The following FRMD4A variants were observed in gnomAD, a reference collection of about 807,000 sequenced individuals.
The protein encoded by FRMD4A is FERM domain-containing protein 4A.
A neutral mutation model predicts 129.1 loss-of-function variants in FRMD4A; 29 were observed. That is an observed-to-expected ratio of 0.22 (90% CI 0.17 to 0.31). The LOEUF (loss-of-function observed/expected upper bound fraction) is 0.31. FRMD4A is among the 10% of genes least tolerant of loss of function. The probability of loss-of-function intolerance (pLI) is 1.00; values close to 1 mark genes in which losing one functional copy is unlikely to be tolerated. For missense variants in FRMD4A, 1,272 were observed against 1,375.8 expected (o/e 0.92, Z 1.19); for synonymous variants, 634 against 571.6 (o/e 1.11, Z -1.56).
At chr10:13,831,730 C>T (rs2130941199) in intron 3 of FRMD4A, among the ~76,000 whole-genome samples, 1 of 152,290 alleles carries the variant, frequency 6.6e-6, no homozygotes, top group South Asian at 2.1e-4. Context: ...GTCCACTGTG[C>T]ATTTCCCTTC....
At chr10:13,975,545 A>G (rs1013470970) in intron 2 of FRMD4A, among the ~76,000 whole-genome samples, 9 of 138,018 alleles carry the variant, frequency 6.5e-5, no homozygotes, top group Admixed American at 2.1e-4. Context: ...TGTGTGGGTC[A>G]TTGTGTATCT....
At chr10:14,066,736 G>T (rs1345706858) in intron 2 of FRMD4A, among the ~76,000 whole-genome samples, 1 of 152,102 alleles carries the variant, frequency 6.6e-6, no homozygotes, top group Non-Finnish European at 1.5e-5. Flanking sequence ...AAGTCATGAA[G>T]CTTTATGTAG....
intron 3 of FRMD4A, among the ~76,000 whole-genome samples, chr10:13,839,193 A>T (rs1252971288): frequency 6.6e-6 from 1 of 151,448 alleles, no homozygotes; most frequent in Non-Finnish European, 1.5e-5. Flanking sequence ...TTTTTTAGAG[A>T]TGGGGTCTTG....
chr10:13,691,930 A>C (rs923726290), intron 15 of FRMD4A, among the ~76,000 whole-genome samples: 1 of 152,126 alleles, frequency 6.6e-6, no homozygotes, highest in African/African-American at 2.4e-5. Flanking sequence ...TGGTCTTTGA[A>C]TTTCATTCTC....
At chr10:14,190,634 C>T (rs1035156994) in intron 2 of FRMD4A, among the ~76,000 whole-genome samples, 3 of 152,228 alleles carry the variant, frequency 2.0e-5, no homozygotes, top group African/African-American at 7.2e-5. Flanking sequence ...AATCCTTCCA[C>T]CTTGGTCCCC....
chr10:14,290,316 GA>G (rs1845811941), intron 2 of FRMD4A, among the ~76,000 whole-genome samples: 1 of 152,068 alleles, frequency 6.6e-6, no homozygotes, highest in African/African-American at 2.4e-5. Context: ...CAGACTTCCT[GA>G]TTTCAAAGTA....
chr10:14,051,844 G>A (rs960511722), intron 2 of FRMD4A, among the ~76,000 whole-genome samples: 1 of 152,250 alleles, frequency 6.6e-6, no homozygotes, highest in African/African-American at 2.4e-5. Flanking sequence ...GGTAGCTGCT[G>A]AGAGATCCAC....
At chr10:14,162,635 T>G (rs904662874) in intron 2 of FRMD4A, among the ~76,000 whole-genome samples, 52 of 138,952 alleles carry the variant, frequency 3.7e-4, no homozygotes, top group African/African-American at 1.5e-3. Flanking sequence ...TCTCTGTTTT[T>G]TTTTTGTTTT....
chr10:13,700,374 G>A (rs544297787), intron 14 of FRMD4A, among the ~76,000 whole-genome samples: 70 of 152,274 alleles, frequency 4.6e-4, no homozygotes, highest in African/African-American at 1.6e-3. Flanking sequence ...ACCCTAGAGG[G>A]CACCGATTCA....
intron 2 of FRMD4A, among the ~76,000 whole-genome samples, chr10:13,948,054 G>GAA (rs80191339): frequency 2.9e-5 from 4 of 136,462 alleles, no homozygotes; most frequent in African/African-American, 5.5e-5. Context: ...AAAGTAAATT[G>GAA]AAAAAAAAAA....
chr10:13,934,229 AC>A (rs2095229473), intron 2 of FRMD4A, among the ~76,000 whole-genome samples: 1 of 152,218 alleles, frequency 6.6e-6, no homozygotes, highest in African/African-American at 2.4e-5. Flanking sequence ...TTCTTATCAT[AC>A]CTCACTCAAA....
At chr10:13,800,082 T>C (rs2093220273) in intron 4 of FRMD4A, among the ~76,000 whole-genome samples, 1 of 152,044 alleles carries the variant, frequency 6.6e-6, no homozygotes, top group Admixed American at 6.6e-5. Context: ...CTCAGGAGGC[T>C]GAGGCAGAAG....
intron 2 of FRMD4A, among the ~76,000 whole-genome samples, chr10:14,163,089 T>C (rs1486896645): frequency 1.3e-5 from 2 of 152,196 alleles, no homozygotes; most frequent in Admixed American, 6.5e-5. Flanking sequence ...GTGGGGGTTA[T>C]TTGAGTTCTC....
intron 2 of FRMD4A, among the ~76,000 whole-genome samples, chr10:13,864,601 T>C (rs1239533323): frequency 6.7e-6 from 1 of 148,662 alleles, no homozygotes; most frequent in Non-Finnish European, 1.5e-5. Flanking sequence ...TTTGAGCCAG[T>C]GTCTCCCTCT....
chr10:14,225,092 G>T (rs1458401017), intron 2 of FRMD4A, among the ~76,000 whole-genome samples: 1 of 152,164 alleles, frequency 6.6e-6, no homozygotes, highest in Non-Finnish European at 1.5e-5. Context: ...ATTAGAATTA[G>T]CAGGAACAGT....
intron 2 of FRMD4A, among the ~76,000 whole-genome samples, chr10:14,063,913 C>T (rs981624850): frequency 6.6e-6 from 1 of 152,156 alleles, no homozygotes; most frequent in Non-Finnish European, 1.5e-5. Flanking sequence ...AATTAAGAAT[C>T]TGAAAATAGA....
At chr10:14,114,549 G>A (rs1423393003) in intron 2 of FRMD4A, among the ~76,000 whole-genome samples, 1 of 152,170 alleles carries the variant, frequency 6.6e-6, no homozygotes, top group Non-Finnish European at 1.5e-5. Flanking sequence ...AGGAGAGGAA[G>A]ACCCAAAAAG....
At chr10:14,317,380 C>T (rs1336197722) in intron 2 of FRMD4A, among the ~76,000 whole-genome samples, 1 of 152,156 alleles carries the variant, frequency 6.6e-6, no homozygotes, top group Non-Finnish European at 1.5e-5. Flanking sequence ...TGTCCACTAC[C>T]ACTTACCTCA....
At chr10:13,914,528 G>A (rs2094978041) in intron 2 of FRMD4A, among the ~76,000 whole-genome samples, 1 of 152,042 alleles carries the variant, frequency 6.6e-6, no homozygotes, top group South Asian at 2.1e-4. Flanking sequence ...TTTATGTACT[G>A]ATAAATACTT....
Sources: allele counts gnomAD v4.1 joint callset (sites outside exome capture counted in the v4.1 genomes callset), GRCh38; gene constraint gnomAD v4.1.1; transcripts MANE v1.5; gene names NCBI Gene and HGNC (gene_info 2026-07-23, HGNC 2026-07-21).